Variants in CIMIP6 observed in about 807,000 individuals in gnomAD.
The protein encoded by CIMIP6 is ciliary microtubule inner protein 6, also known as uncharacterized protein C2orf73.
chr2:54,352,106 C>T, the CIMIP6 span, among the ~76,000 whole-genome samples: 1 of 152,134 alleles, frequency 6.6e-6, no homozygotes, highest in African/African-American at 2.4e-5. Flanking sequence ...CAGCACAACA[C>T]TAGTATTTGA....
chr2:54,336,653 A>C, the CIMIP6 span, among the ~76,000 whole-genome samples: 35 of 152,310 alleles, frequency 2.3e-4, no homozygotes, highest in African/African-American at 8.4e-4. Flanking sequence ...TAGTAAGGGA[A>C]TAGATCAAAC....
At chr2:54,360,530 C>T in the CIMIP6 span, 2 of 1,511,344 alleles carry the variant, frequency 1.3e-6, no homozygotes, top group Non-Finnish European at 1.8e-6. Flanking sequence ...TAGGCACAAG[C>T]CTTTAAATCC....
the CIMIP6 span, among the ~76,000 whole-genome samples, chr2:54,371,908 A>G: frequency 3.3e-5 from 5 of 152,170 alleles, no homozygotes; most frequent in South Asian, 4.1e-4. Flanking sequence ...AATGCTACCT[A>G]ACCCCTCCGG....
chr2:54,379,868 T>A, the CIMIP6 span, among the ~76,000 whole-genome samples: 1 of 150,990 alleles, frequency 6.6e-6, no homozygotes, highest in East Asian at 1.9e-4. Context: ...TCCCAGCTAC[T>A]CAGGAGCCTG....
the CIMIP6 span, among the ~76,000 whole-genome samples, chr2:54,348,405 T>C: frequency 6.6e-6 from 1 of 152,226 alleles, no homozygotes; most frequent in Non-Finnish European, 1.5e-5. Flanking sequence ...TCTGTTCTTT[T>C]ATTGGTATTT....
the CIMIP6 span, among the ~76,000 whole-genome samples, chr2:54,376,516 T>A: frequency 6.6e-6 from 1 of 152,220 alleles, no homozygotes; most frequent in Non-Finnish European, 1.5e-5. Context: ...TGATTTTACA[T>A]TTGAGGCTAT....
chr2:54,359,741 AT>A, the CIMIP6 span, among the ~76,000 whole-genome samples: 4 of 152,096 alleles, frequency 2.6e-5, no homozygotes, highest in South Asian at 4.1e-4. Context: ...CAATTATTGG[AT>A]TTTTTTCCAA....
At chr2:54,342,066 C>A in the CIMIP6 span, among the ~76,000 whole-genome samples, 1 of 152,166 alleles carries the variant, frequency 6.6e-6, no homozygotes, top group Non-Finnish European at 1.5e-5. Flanking sequence ...TCCTAAATTT[C>A]TGTAATCTCT....
At chr2:54,365,058 G>T in the CIMIP6 span, among the ~76,000 whole-genome samples, 99 of 152,180 alleles carry the variant, frequency 6.5e-4, no homozygotes, top group Non-Finnish European at 1.9e-4. Flanking sequence ...AGCCCCAGGT[G>T]CAGTGGAGTT....
At chr2:54,361,465 T>C in the CIMIP6 span, 1 of 152,330 alleles carries the variant, frequency 6.6e-6, no homozygotes, top group South Asian at 2.1e-4. Flanking sequence ...TAAAGAGTAT[T>C]TACAAATTTC....
the CIMIP6 span, among the ~76,000 whole-genome samples, chr2:54,364,211 T>G: frequency 1.3e-5 from 2 of 152,202 alleles, no homozygotes; most frequent in Non-Finnish European, 2.9e-5. Context: ...TGCCTGTCAG[T>G]ACAAGTAGTG....
chr2:54,351,707 C>G, the CIMIP6 span, among the ~76,000 whole-genome samples: 1 of 152,124 alleles, frequency 6.6e-6, no homozygotes, highest in Non-Finnish European at 1.5e-5. Flanking sequence ...ATCTGTACAA[C>G]AAACCCCCAT....
the CIMIP6 span, among the ~76,000 whole-genome samples, chr2:54,364,811 T>C: frequency 1.3e-5 from 2 of 152,240 alleles, no homozygotes; most frequent in Admixed American, 1.3e-4. Context: ...ACTACGTTGA[T>C]GTTGGAAGCA....
At chr2:54,360,310 G>T in the CIMIP6 span, 1 of 1,611,836 alleles carries the variant, frequency 6.2e-7, no homozygotes, top group Non-Finnish European at 8.5e-7. Context: ...CATCAGAACA[G>T]TCCAAAAAAA....
At chr2:54,340,641 G>A in the CIMIP6 span, among the ~76,000 whole-genome samples, 1 of 152,098 alleles carries the variant, frequency 6.6e-6, no homozygotes, top group African/African-American at 2.4e-5. Context: ...TTCACAAACT[G>A]CAGAGCCTTA....
chr2:54,372,122 T>G, the CIMIP6 span, among the ~76,000 whole-genome samples: 1 of 152,130 alleles, frequency 6.6e-6, no homozygotes, highest in Non-Finnish European at 1.5e-5. Context: ...ATCATTAAAA[T>G]GGGACAGCAG....
At chr2:54,345,391 C>A in the CIMIP6 span, among the ~76,000 whole-genome samples, 1 of 152,164 alleles carries the variant, frequency 6.6e-6, no homozygotes, top group African/African-American at 2.4e-5. Flanking sequence ...TTTCCCCTCA[C>A]CTCAAATTCC....
chr2:54,359,098 T>C, the CIMIP6 span: 1 of 1,239,392 alleles, frequency 8.1e-7, no homozygotes, highest in Non-Finnish European at 1.1e-6. Flanking sequence ...TAGAATTATT[T>C]AATACTTTAA....
At chr2:54,359,053 G>T in the CIMIP6 span, 1 of 1,528,466 alleles carries the variant, frequency 6.5e-7, no homozygotes, top group African/African-American at 1.4e-5. Flanking sequence ...GAAAAACTCC[G>T]AATGAGCCTC....
Sources: allele counts gnomAD v4.1 joint callset (sites outside exome capture counted in the v4.1 genomes callset), GRCh38; gene constraint gnomAD v4.1.1; transcripts MANE v1.5; gene names NCBI Gene and HGNC (gene_info 2026-07-23, HGNC 2026-07-21).